IL1RAPL1: variants seen among roughly 807,000 people sequenced by gnomAD.
IL1RAPL1 encodes interleukin 1 receptor accessory protein like 1.
A neutral mutation model predicts 48.4 loss-of-function variants in IL1RAPL1; 3 were observed. The ratio of observed to expected loss-of-function variants is 0.06; its 90% CI spans 0.03 to 0.16. The LOEUF (loss-of-function observed/expected upper bound fraction) is 0.16, where lower values mean the gene tolerates loss of function less well. Ranked by LOEUF, IL1RAPL1 falls within the 10% of genes least tolerant of loss-of-function variation. The pLI is 1.00. For synonymous variants in IL1RAPL1, 185 were observed against 187.7 expected, an observed-to-expected ratio of 0.99 and a Z score of 0.12; for missense variants, 349 against 530.6, an observed-to-expected ratio of 0.66 and a Z score of 3.36.
intron 5 of IL1RAPL1, among the ~76,000 whole-genome samples, chrX:29,481,494 TG>T (rs1602256526): frequency 8.9e-6 from 1 of 112,636 alleles, no homozygotes; most frequent in Admixed American, 9.4e-5. Context: ...CAACGGCCAT[TG>T]CCTGCTTAGC....
At chrX:29,515,780 G>C (rs1935438907) in intron 5 of IL1RAPL1, among the ~76,000 whole-genome samples, 1 of 111,221 alleles carries the variant, frequency 9.0e-6, no homozygotes, top group African/African-American at 3.3e-5. Context: ...TCCACCCCCT[G>C]GATTCAAGCG....
intron 2 of IL1RAPL1, among the ~76,000 whole-genome samples, chrX:29,114,878 TC>T (rs1928647042): frequency 1.8e-5 from 2 of 111,684 alleles, no homozygotes; most frequent in Non-Finnish European, 3.8e-5. Flanking sequence ...TTCGCCCGCC[TC>T]TACCTCCCAA....
At chrX:29,019,879 G>C (rs752601519) in intron 2 of IL1RAPL1, among the ~76,000 whole-genome samples, 1 of 112,225 alleles carries the variant, frequency 8.9e-6, no homozygotes, top group Admixed American at 9.5e-5. Context: ...AAAAAGGCCA[G>C]CTTATCAGAG....
chrX:29,584,677 A>T (rs1210621752), intron 5 of IL1RAPL1, among the ~76,000 whole-genome samples: 1 of 111,566 alleles, frequency 9.0e-6, no homozygotes, highest in Non-Finnish European at 1.9e-5. Flanking sequence ...CCTCAGCCTC[A>T]TGAATAGCTA....
At chrX:29,364,562 C>CAAAA (rs766680904) in intron 3 of IL1RAPL1, among the ~76,000 whole-genome samples, 8 of 43,565 alleles carry the variant, frequency 1.8e-4, no homozygotes, top group African/African-American at 3.6e-4. Flanking sequence ...GACTCTATCT[C>CAAAA]AAAAAAAAAA....
At chrX:29,647,048 G>A (rs191376688) in intron 5 of IL1RAPL1, among the ~76,000 whole-genome samples, 1 of 112,308 alleles carries the variant, frequency 8.9e-6, no homozygotes, top group East Asian at 2.8e-4. Context: ...TAAGTACAAA[G>A]TCAAATTAAG....
At position 29,356,506 on chromosome X, in the gene IL1RAPL1, TAC is replaced by T. The variant is rs761312868; in HGVS notation, c.363-39744_363-39743del. Among the ~76,000 whole-genome samples, 6 of 80,968 alleles carry T rather than the reference TAC, an allele frequency of 7.4e-5. No individual in the cohort carries two copies. The East Asian group carries it at 1.2e-3, about 16-fold the overall frequency. The allele number at this position is 80,968 out of a possible 115,157, so 70.3% of individuals were successfully genotyped here. ...ATATATGTATATAGACATGCATATATACACACACATATGTATATTTTGTGCAT... is the reference window on the plus strand; with the variant it reads ...ATATATGTATATAGACATGCATATATACACACATATGTATATTTTGTGCAT... On this transcript the variant is annotated intron_variant, in intron 3 of 10. Transcript: ENST00000378993.
intron 6 of IL1RAPL1, among the ~76,000 whole-genome samples, chrX:29,863,711 A>T (rs1434934542): frequency 2.7e-5 from 3 of 112,188 alleles, no homozygotes; most frequent in African/African-American, 9.7e-5. Context: ...TCCTTTGTCC[A>T]GTGACTCTAT....
chrX:28,638,306 G>A lies in IL1RAPL1; in HGVS notation c.-25+50259G>A, dbSNP rs1184583153. On this transcript the variant is annotated intron_variant, in intron 1 of 10. Coordinates refer to ENST00000378993, the MANE Select transcript of IL1RAPL1 (RefSeq NM_014271.4). Reference sequence around the variant, plus strand: ...GTAGAGTTATAATTAATCCTCATAAGTCAGAGAATAAAATGGGCAAGAAGA... The same window carrying A: ...GTAGAGTTATAATTAATCCTCATAAATCAGAGAATAAAATGGGCAAGAAGA... 2.7e-5 allele frequency among the ~76,000 whole-genome samples: 3 copies of A among 111,401 alleles called. No individual in the cohort carries two copies. In the Admixed American group the frequency reaches 2.9e-4, roughly 11 times the overall value.
intron 6 of IL1RAPL1, among the ~76,000 whole-genome samples, chrX:29,891,898 C>CTTTG: frequency 9.0e-6 from 1 of 111,675 alleles, no homozygotes; most frequent in East Asian, 2.8e-4. Flanking sequence ...CCTAGAAAGG[C>CTTTG]TTTGTTAAAT....
At chrX:28,935,727 A>T (rs1435650332) in intron 2 of IL1RAPL1, among the ~76,000 whole-genome samples, 1 of 111,877 alleles carries the variant, frequency 8.9e-6, no homozygotes, top group African/African-American at 3.2e-5. Context: ...GGTCAAGGAG[A>T]ATAATTTATG....
intron 6 of IL1RAPL1, among the ~76,000 whole-genome samples, chrX:29,903,190 G>GAGAGAGAGAGAGAGAGACAGAGAC (rs1169961914): frequency 1.0e-5 from 1 of 97,017 alleles, no homozygotes; most frequent in Non-Finnish European, 2.2e-5. Context: ...GTGTGAGAGA[G>GAGAGAGAGAGAGAGAGACAGAGAC]AGAGAGAGAG....
At chrX:29,741,935 G>GAAAAAA (rs1182352727) in intron 6 of IL1RAPL1, among the ~76,000 whole-genome samples, 155 of 61,664 alleles carry the variant, frequency 2.5e-3, no homozygotes, top group African/African-American at 3.8e-3. Flanking sequence ...AAAAAAAAAA[G>GAAAAAA]AAAAAAAAAA....
intron 5 of IL1RAPL1, among the ~76,000 whole-genome samples, chrX:29,524,188 T>C (rs983413100): frequency 2.8e-5 from 3 of 107,941 alleles, no homozygotes; most frequent in Non-Finnish European, 5.8e-5. Context: ...GCTTTTTTTT[T>C]TTTTTTTGCA....
At chrX:29,668,023 T>G (rs1166040597) in intron 5 of IL1RAPL1, among the ~76,000 whole-genome samples, 1 of 111,252 alleles carries the variant, frequency 9.0e-6, no homozygotes, top group Non-Finnish European at 1.9e-5. Context: ...TGAGATAAAT[T>G]TATGCCAAAA....
intron 3 of IL1RAPL1, among the ~76,000 whole-genome samples, chrX:29,383,485 G>A (rs1210086291): frequency 8.9e-6 from 1 of 111,823 alleles, no homozygotes; most frequent in African/African-American, 3.2e-5. Flanking sequence ...AATGTAAAGT[G>A]TTTTATTTCT....
At chrX:29,709,063 G>GTTAT (rs1927272012) in intron 6 of IL1RAPL1, among the ~76,000 whole-genome samples, 1 of 111,882 alleles carries the variant, frequency 8.9e-6, no homozygotes, top group African/African-American at 3.2e-5. Flanking sequence ...TTTTAATTGG[G>GTTAT]TTATTTGTTT....
intron 6 of IL1RAPL1, among the ~76,000 whole-genome samples, chrX:29,752,209 C>T (rs1207647309): frequency 9.6e-6 from 1 of 104,374 alleles, no homozygotes; most frequent in Non-Finnish European, 2.0e-5. Flanking sequence ...CTGATTAAGA[C>T]TTGATGGCCC....
At chrX:29,571,109 C>G (rs1602303328) in intron 5 of IL1RAPL1, among the ~76,000 whole-genome samples, 1 of 110,735 alleles carries the variant, frequency 9.0e-6, no homozygotes, top group East Asian at 2.9e-4. Flanking sequence ...ATAGTCCCAG[C>G]TACTCAGGAG....
Sources: gnomAD v4.1 joint callset for allele counts (sites outside exome capture counted in the v4.1 genomes callset) on GRCh38, gnomAD v4.1.1 for gene constraint, MANE v1.5 for transcripts, NCBI Gene and HGNC (gene_info 2026-07-23, HGNC 2026-07-21) for gene names.